DPF3: variants seen among roughly 807,000 people sequenced by gnomAD.
The protein encoded by DPF3 is zinc finger protein DPF3.
A neutral mutation model predicts 56.8 loss-of-function variants in DPF3; 18 were observed. The observed-to-expected ratio is 0.32, with a 90% confidence interval of 0.22 to 0.47. The LOEUF is 0.47. DPF3 is among the 20% of genes least tolerant of loss of function. DPF3 has a pLI of 1.00. For missense variants in DPF3, 403 were observed against 488.8 expected, an observed-to-expected ratio of 0.82 and a Z score of 1.65; for synonymous variants, 188 against 180.2, an observed-to-expected ratio of 1.04 and a Z score of -0.35.
chr14:72,749,186 G>A (rs1418915961), intron 3 of DPF3, among the ~76,000 whole-genome samples: 1 of 152,242 alleles, frequency 6.6e-6, no homozygotes, highest in Non-Finnish European at 1.5e-5. Flanking sequence ...CCAAGATCAT[G>A]GGAACTCACC....
chr14:72,640,027 T>A (rs1292061452), intron 8 of DPF3, among the ~76,000 whole-genome samples: 5 of 51,662 alleles, frequency 9.7e-5, no homozygotes, highest in Non-Finnish European at 1.2e-4. Flanking sequence ...CCTTAAAGGA[T>A]AAATAGGAGT....
At chr14:72,801,618 A>G (rs961043055) in intron 1 of DPF3, among the ~76,000 whole-genome samples, 1 of 152,172 alleles carries the variant, frequency 6.6e-6, no homozygotes, top group Non-Finnish European at 1.5e-5. Flanking sequence ...TCTGAGTGGA[A>G]GAATTCTTCC....
chr14:72,655,078 T>C (rs957837319), intron 8 of DPF3, among the ~76,000 whole-genome samples: 1 of 152,214 alleles, frequency 6.6e-6, no homozygotes, highest in Non-Finnish European at 1.5e-5. Context: ...CATTCTTTCT[T>C]ACATAAGTTG....
At chr14:72,742,228 T>A (rs1890152341) in intron 3 of DPF3, among the ~76,000 whole-genome samples, 1 of 152,154 alleles carries the variant, frequency 6.6e-6, no homozygotes, top group Admixed American at 6.5e-5. Flanking sequence ...GCTCTGACAC[T>A]GCAGGAAAGA....
rs370997384 is a variant in DPF3 at position 72,667,293 on chromosome 14, G to A, written c.871+6947C>T. On this transcript the variant is annotated intron_variant, in intron 8 of 10. Transcript: ENST00000556509. ...TCTCAGTAACAGAAATAAAGGATTT[G>A]ATTGTTCTAGGTAGGGAAAAAAATC... Among the ~76,000 whole-genome samples the A allele has an allele frequency of 9.2e-5, 14 of 152,254 alleles. No homozygotes were observed. In the South Asian group the frequency reaches 2.9e-3, roughly 32 times the overall value.
At chr14:72,754,252 G>A (rs1890698916) in intron 2 of DPF3, among the ~76,000 whole-genome samples, 1 of 152,188 alleles carries the variant, frequency 6.6e-6, no homozygotes, top group South Asian at 2.1e-4. Flanking sequence ...GAGGGGTGAG[G>A]AGGCAGGTAT....
Position 72,842,587 on chromosome 14 carries a change from C to T in DPF3, c.32+51470G>A, listed in dbSNP as rs529377774. 2.6e-5 allele frequency among the ~76,000 whole-genome samples: 4 copies of T among 152,276 alleles called. No homozygotes were observed. In the East Asian group the frequency reaches 5.8e-4, roughly 22 times the overall value. ...GCCTGGAAGGGGCACGGCTAGGCTT[C>T]TGTGATGTTTCTTCATCTGGGGGTT... is the stretch of plus-strand genomic sequence containing the variant. On this transcript the variant is annotated intron_variant, in intron 1 of 10. Coordinates refer to ENST00000556509, the MANE Select transcript of DPF3 (RefSeq NM_001280542.3).
rs543672158 is a variant in DPF3, at chr14:72,834,864, C to T, written c.32+59193G>A. On this transcript the variant is annotated intron_variant, in intron 1 of 10. Coordinates refer to ENST00000556509, the MANE Select transcript of DPF3 (RefSeq NM_001280542.3). The stretch of plus-strand genomic sequence containing the variant: ...TTCATACAAGGGACTATTATTCAGC[C>T]ATAAAAAGGAAGGGAGTACTGAAAC... Among the ~76,000 whole-genome samples, 7 of 152,246 alleles carry T rather than the reference C, an allele frequency of 4.6e-5. No homozygotes were observed. The South Asian group carries it at 8.3e-4, about 18-fold the overall frequency.
At chr14:72,862,426 A>G (rs978456849) in intron 1 of DPF3, among the ~76,000 whole-genome samples, 8 of 151,780 alleles carry the variant, frequency 5.3e-5, no homozygotes, top group Admixed American at 2.6e-4. Context: ...TCTTAATCCC[A>G]TCATCTCTAC....
chr14:72,663,724 AAGCTG>A (rs1886324843), intron 8 of DPF3, among the ~76,000 whole-genome samples: 1 of 152,148 alleles, frequency 6.6e-6, no homozygotes, highest in Non-Finnish European at 1.5e-5. Flanking sequence ...AGATCACATT[AAGCTG>A]AGCGATAAGG....
intron 1 of DPF3, among the ~76,000 whole-genome samples, chr14:72,808,716 T>C (rs1882900491): frequency 6.6e-6 from 1 of 152,186 alleles, no homozygotes; most frequent in African/African-American, 2.4e-5. Context: ...TTCCCTCCAG[T>C]AGCACAAAGC....
intron 1 of DPF3, among the ~76,000 whole-genome samples, chr14:72,841,714 T>C (rs1884549575): frequency 6.6e-6 from 1 of 152,158 alleles, no homozygotes; most frequent in Admixed American, 6.6e-5. Context: ...GGTTATCATA[T>C]GGCTCACATG....
intron 8 of DPF3, among the ~76,000 whole-genome samples, chr14:72,639,049 C>A (rs1376298139): frequency 6.6e-6 from 1 of 152,180 alleles, no homozygotes; most frequent in Non-Finnish European, 1.5e-5. Context: ...GATCTCCTAA[C>A]CTTGCGATCT....
intron 2 of DPF3, among the ~76,000 whole-genome samples, chr14:72,760,585 T>C (rs992253541): frequency 3.3e-5 from 5 of 152,234 alleles, no homozygotes; most frequent in African/African-American, 1.2e-4. Context: ...CACAGTACTA[T>C]TGTAGACTCC....
Position 72,728,501 on chromosome 14 carries a change from C to T in DPF3, c.429+3306G>A, listed in dbSNP as rs896565896. On this transcript the variant is annotated intron_variant, in intron 4 of 10. Transcript: ENST00000556509. Reference sequence around the variant, plus strand: ...AACTAGGTTAGGAATGGAGAGGACACGCCCAGGAAGGTCACGCTCATCCTT... The same window carrying T: ...AACTAGGTTAGGAATGGAGAGGACATGCCCAGGAAGGTCACGCTCATCCTT... 5.3e-5 allele frequency among the ~76,000 whole-genome samples: 8 copies of T among 152,116 alleles called. No individual in the cohort carries two copies. The South Asian group carries it at 6.2e-4, about 12-fold the overall frequency.
intron 8 of DPF3, among the ~76,000 whole-genome samples, chr14:72,644,672 T>C (rs1885662632): frequency 6.6e-6 from 1 of 152,218 alleles, no homozygotes; most frequent in Non-Finnish European, 1.5e-5. Context: ...AGGAGGGCCT[T>C]TCCTGGTACT....
chr14:72,670,513 G>C, intron 8 of DPF3: 1 of 977,982 alleles, frequency 1.0e-6, no homozygotes, highest in Non-Finnish European at 1.2e-6. Context: ...GGAGGGGTCT[G>C]CCGCGGGGAG....
chr14:72,776,385 C>T (rs1490221531), intron 1 of DPF3, among the ~76,000 whole-genome samples: 3 of 152,102 alleles, frequency 2.0e-5, no homozygotes, highest in Non-Finnish European at 4.4e-5. Context: ...TTCTAGGGGG[C>T]TTTGTGAGTG....
At chr14:72,880,502 G>T (rs1348287108) in intron 1 of DPF3, among the ~76,000 whole-genome samples, 2 of 152,202 alleles carry the variant, frequency 1.3e-5, no homozygotes, top group Admixed American at 1.3e-4. Flanking sequence ...GGGCTGTTGG[G>T]GTAAGGAGTA....
Sources: allele counts gnomAD v4.1 joint callset (sites outside exome capture counted in the v4.1 genomes callset), GRCh38; gene constraint gnomAD v4.1.1; transcripts MANE v1.5; gene names NCBI Gene and HGNC (gene_info 2026-07-23, HGNC 2026-07-21).